Variants in MACROD2 observed in about 807,000 individuals in gnomAD.
The protein encoded by MACROD2 is ADP-ribose glycohydrolase MACROD2.
Under a neutral mutation model 70.4 loss-of-function variants are expected in MACROD2, and 36 were observed. The ratio of observed to expected loss-of-function variants is 0.51; its 90% confidence interval spans 0.39 to 0.68. The LOEUF (loss-of-function observed/expected upper bound fraction) is 0.68. MACROD2 is among the 30% of genes least tolerant of loss of function. The pLI, the probability that MACROD2 is intolerant of heterozygous loss-of-function variation, is 0.00. For synonymous variants in MACROD2, 172 were observed against 178.8 expected (o/e 0.96, Z 0.30); for missense variants, 496 against 538.4 (o/e 0.92, Z 0.78).
At chr20:15,579,031 C>A (rs574222384) in intron 8 of MACROD2, among the ~76,000 whole-genome samples, 2 of 152,252 alleles carry the variant, frequency 1.3e-5, no homozygotes, top group South Asian at 4.1e-4. Flanking sequence ...TCAAACACTA[C>A]ATATATTTTG....
chr20:14,667,360 G>A (rs1475870222), intron 4 of MACROD2, among the ~76,000 whole-genome samples: 1 of 152,122 alleles, frequency 6.6e-6, no homozygotes, highest in East Asian at 1.9e-4. Context: ...GTCTTGAAAG[G>A]AACTGAAGTA....
At chr20:14,423,468 G>A (rs1207504703) in intron 3 of MACROD2, among the ~76,000 whole-genome samples, 2 of 150,576 alleles carry the variant, frequency 1.3e-5, no homozygotes, top group Non-Finnish European at 1.5e-5. Flanking sequence ...GGGAGGCCGA[G>A]GGGGGCGGAT....
At chr20:14,572,590 C>T (rs1162616155) in intron 4 of MACROD2, among the ~76,000 whole-genome samples, 1 of 151,990 alleles carries the variant, frequency 6.6e-6, no homozygotes, top group Non-Finnish European at 1.5e-5. Context: ...ATCTCACAGA[C>T]ATAATATTGA....
chr20:14,960,750 T>A (rs1175724464), intron 5 of MACROD2, among the ~76,000 whole-genome samples: 1 of 152,172 alleles, frequency 6.6e-6, no homozygotes, highest in Admixed American at 6.5e-5. Context: ...GAAAAGCATC[T>A]TATACATGGA....
At chr20:15,424,878 C>T (rs2046277239) in intron 6 of MACROD2, among the ~76,000 whole-genome samples, 1 of 152,254 alleles carries the variant, frequency 6.6e-6, no homozygotes, top group Non-Finnish European at 1.5e-5. Context: ...TGCCTATACA[C>T]ATACACACTT....
intron 5 of MACROD2, among the ~76,000 whole-genome samples, chr20:14,711,280 C>T (rs997055726): frequency 1.3e-5 from 2 of 152,154 alleles, no homozygotes; most frequent in Non-Finnish European, 1.5e-5. Flanking sequence ...AAGTCAATTT[C>T]AGCTTTTTCA....
chr20:15,686,727 G>A (rs2050229994), intron 8 of MACROD2, among the ~76,000 whole-genome samples: 1 of 152,068 alleles, frequency 6.6e-6, no homozygotes, highest in South Asian at 2.1e-4. Flanking sequence ...ACAAAAATTA[G>A]CCAGGCGTGG....
chr20:15,070,640 C>CT (rs2075611772), intron 5 of MACROD2, among the ~76,000 whole-genome samples: 1 of 152,044 alleles, frequency 6.6e-6, no homozygotes. Context: ...CTCTCTTTTG[C>CT]TCCTTCTCAT....
chr20:16,014,785 C>G (rs1442606055), intron 15 of MACROD2, among the ~76,000 whole-genome samples: 1 of 152,122 alleles, frequency 6.6e-6, no homozygotes, highest in African/African-American at 2.4e-5. Context: ...GTAAAGACCC[C>G]GCTCTCACCT....
At chr20:15,464,219 T>C (rs528648907) in intron 7 of MACROD2, among the ~76,000 whole-genome samples, 2 of 152,222 alleles carry the variant, frequency 1.3e-5, no homozygotes, top group South Asian at 2.1e-4. Context: ...TCTCCCTGTG[T>C]TGCCCAGGCT....
At chr20:14,694,199 A>G (rs994797749) in intron 5 of MACROD2, among the ~76,000 whole-genome samples, 1 of 152,212 alleles carries the variant, frequency 6.6e-6, no homozygotes, top group South Asian at 2.1e-4. Flanking sequence ...CTCCCTTGCT[A>G]CAAATATTCT....
intron 5 of MACROD2, among the ~76,000 whole-genome samples, chr20:14,744,469 T>C (rs1317606320): frequency 7.2e-5 from 11 of 152,156 alleles, no homozygotes. Context: ...GCAAGAACAC[T>C]TTACATACAC....
intron 3 of MACROD2, among the ~76,000 whole-genome samples, chr20:14,194,230 C>T (rs924218867): frequency 7.2e-5 from 11 of 152,096 alleles, no homozygotes; most frequent in African/African-American, 1.4e-4. Flanking sequence ...ATGACGGGAA[C>T]AGAACAAATG....
At chr20:15,818,371 G>C (rs34967948) in intron 8 of MACROD2, among the ~76,000 whole-genome samples, 24,615 of 152,066 alleles carry the variant, frequency 0.16, 1,989 homozygotes, top group South Asian at 0.19. Flanking sequence ...AGAACCGAGG[G>C]TTCCTCCCCC....
intron 5 of MACROD2, among the ~76,000 whole-genome samples, chr20:14,937,727 T>C (rs2074353062): frequency 6.6e-6 from 1 of 152,142 alleles, no homozygotes; most frequent in Admixed American, 6.5e-5. Flanking sequence ...AAATATACAA[T>C]AGATTATTGT....
intron 6 of MACROD2, among the ~76,000 whole-genome samples, chr20:15,305,662 T>TGA (rs1342261937): frequency 6.6e-6 from 1 of 151,876 alleles, no homozygotes; most frequent in Non-Finnish European, 1.5e-5. Context: ...AAATTGTGTG[T>TGA]GTGTGTGTGT....
chr20:15,366,182 G>GT (rs1423876308), intron 6 of MACROD2, among the ~76,000 whole-genome samples: 1 of 152,186 alleles, frequency 6.6e-6, no homozygotes, highest in African/African-American at 2.4e-5. Flanking sequence ...TGGGCCAACT[G>GT]TGTGTATCCA....
At chr20:14,377,471 T>C (rs6033955) in intron 3 of MACROD2, among the ~76,000 whole-genome samples, 79,997 of 151,994 alleles carry the variant, frequency 0.53, 21,981 homozygotes, top group South Asian at 0.7. Flanking sequence ...CTATCTATCA[T>C]ATAGAATTAA....
intron 3 of MACROD2, among the ~76,000 whole-genome samples, chr20:14,102,911 C>G (rs1414578984): frequency 6.6e-6 from 1 of 152,064 alleles, no homozygotes; most frequent in African/African-American, 2.4e-5. Context: ...ATTAGGATCT[C>G]AGTGTCTTTT....
Sources: allele counts gnomAD v4.1 joint callset (sites outside exome capture counted in the v4.1 genomes callset), GRCh38; gene constraint gnomAD v4.1.1; transcripts MANE v1.5; gene names NCBI Gene and HGNC (gene_info 2026-07-23, HGNC 2026-07-21).